Variants in GRIP1 observed in about 807,000 individuals in gnomAD.
The protein encoded by GRIP1 is glutamate receptor-interacting protein 1.
In GRIP1, 45 loss-of-function variants were observed where a neutral mutation model predicts 129.9. The observed-to-expected ratio is 0.35, with a 90% CI of 0.27 to 0.44. The LOEUF (loss-of-function observed/expected upper bound fraction) is 0.44. GRIP1 is among the 20% of genes least tolerant of loss of function. GRIP1 has a pLI of 1.00. For missense variants in GRIP1, 1,196 were observed against 1,396.8 expected, an observed-to-expected ratio of 0.86 and a Z score of 2.29; for synonymous variants, 530 against 520.8, an observed-to-expected ratio of 1.02 and a Z score of -0.24.
chr12:66,894,055 CCTT>C (rs2040705224), intron 1 of GRIP1, among the ~76,000 whole-genome samples: 1 of 152,184 alleles, frequency 6.6e-6, no homozygotes, highest in South Asian at 2.1e-4. Flanking sequence ...ACTTGCTGCT[CCTT>C]CTGCCTGGAA....
chr12:66,825,249 T>G (rs577476809), intron 1 of GRIP1, among the ~76,000 whole-genome samples: 45 of 152,306 alleles, frequency 3.0e-4, no homozygotes, highest in African/African-American at 1.0e-3. Flanking sequence ...TAAGCAAATT[T>G]TTTCATGCCA....
At chr12:67,059,924 C>T (rs924134135) in intron 1 of GRIP1, among the ~76,000 whole-genome samples, 12 of 152,200 alleles carry the variant, frequency 7.9e-5, no homozygotes, top group African/African-American at 2.9e-4. Flanking sequence ...CACATTGCCA[C>T]ATCCAAGTCT....
intron 1 of GRIP1, among the ~76,000 whole-genome samples, chr12:66,828,507 T>C (rs911700004): frequency 2.6e-5 from 4 of 152,190 alleles, no homozygotes; most frequent in African/African-American, 9.6e-5. Flanking sequence ...TTTATAACTG[T>C]TATCTCATTT....
At chr12:66,470,143 G>A (rs2904515) in intron 7 of GRIP1, among the ~76,000 whole-genome samples, 52,272 of 151,976 alleles carry the variant, frequency 0.34, 9,453 homozygotes, top group Non-Finnish European at 0.4. Flanking sequence ...CCAATCCAGA[G>A]TGATCCTTTA....
intron 9 of GRIP1, 74 bp downstream of exon 9, chr12:66,462,850 G>A: frequency 9.7e-7 from 1 of 1,025,996 alleles, no homozygotes; most frequent in Non-Finnish European, 1.5e-6. Context: ...GTGTCTTTCT[G>A]CTGTCTAACT....
rs371598979 is a variant in GRIP1, at chr12:66,784,730, AAG to A, written c.-420+19321_-420+19322del. 8.5e-5 allele frequency among the ~76,000 whole-genome samples: 13 copies of A among 152,328 alleles called. 1 individual carries two copies. Among genetic ancestry groups the A allele is most frequent in the African/African-American group, 3.1e-4 (13 of 41,586 alleles). On this transcript the variant is annotated intron_variant, in intron 1 of 4. Transcript: ENST00000538373. ...ACTCCCTGGTCTTAGCTTTGTTTTT[AAG>A]AGTCACACAAAGCATACTCATGGGT... is the stretch of plus-strand genomic sequence containing the variant.
rs563723781 is a variant in GRIP1, at chr12:66,456,261, T to C, written c.1124A>G (p.Tyr375Cys). The C allele has an allele frequency of 1.7e-5, 22 of 1,289,462 alleles. No individual in the cohort carries two copies. The East Asian group carries it at 9.4e-4, about 55-fold the overall frequency. 79.9% of individuals were successfully genotyped at this position (1,289,462 alleles called of 1,614,324 possible). Residue 375 changes from tyrosine to cysteine, a missense_variant, in exon 10 of 25, where the codon TAT (tyrosine) becomes TGT (cysteine). Physicochemically the swap from Tyr to Cys is radical, Grantham distance 194. Transcript: ENST00000359742. Reference sequence around the variant, plus strand: ...GCAATGGTCAGGGTGGTACGTGTTATAGTGATGGTTGGTGTGAAGGCTGCT... The same window carrying C: ...GCAATGGTCAGGGTGGTACGTGTTACAGTGATGGTTGGTGTGAAGGCTGCT... ...NHSSLHTNHH[Y>C]NTYHPDHCRV...
At chr12:66,619,411 T>C (rs767943239) in intron 1 of GRIP1, among the ~76,000 whole-genome samples, 2 of 152,058 alleles carry the variant, frequency 1.3e-5, no homozygotes, top group Admixed American at 6.6e-5. Context: ...AAGAGAGCCA[T>C]TACGGGTAGA....
At chr12:66,657,145 A>C (rs1362296849) in intron 1 of GRIP1, among the ~76,000 whole-genome samples, 1 of 152,206 alleles carries the variant, frequency 6.6e-6, no homozygotes, top group Non-Finnish European at 1.5e-5. Context: ...GATTTGCCTC[A>C]CCAAATTTTC....
intron 9 of GRIP1, among the ~76,000 whole-genome samples, chr12:66,457,407 A>G (rs1309384516): frequency 2.6e-5 from 4 of 152,148 alleles, no homozygotes; most frequent in Non-Finnish European, 5.9e-5. Context: ...AGCTGGCACT[A>G]CAGGCCCACG....
At chr12:66,439,791 C>T (rs2058419619) in intron 13 of GRIP1, among the ~76,000 whole-genome samples, 1 of 152,144 alleles carries the variant, frequency 6.6e-6, no homozygotes, top group Non-Finnish European at 1.5e-5. Flanking sequence ...GCATTTTGAA[C>T]CTCCCTGACT....
At chr12:66,785,323 C>CAT (rs2038291950) in intron 1 of GRIP1, among the ~76,000 whole-genome samples, 2 of 55,980 alleles carry the variant, frequency 3.6e-5, no homozygotes, top group African/African-American at 1.3e-4. Flanking sequence ...TACATACATA[C>CAT]ATACATACAT....
intron 1 of GRIP1, among the ~76,000 whole-genome samples, chr12:67,010,902 A>ACTC (rs1373375764): frequency 1.3e-5 from 2 of 151,028 alleles, no homozygotes; most frequent in African/African-American, 4.9e-5. Flanking sequence ...GGAGGCTTCC[A>ACTC]CTCCTCCTCC....
chr12:66,467,668 T>C (rs906429883), intron 7 of GRIP1, among the ~76,000 whole-genome samples: 1 of 152,220 alleles, frequency 6.6e-6, no homozygotes, highest in African/African-American at 2.4e-5. Context: ...GCACACAATA[T>C]GATGCCTCTG....
chr12:66,907,398 A>G (rs2040951601), intron 1 of GRIP1, among the ~76,000 whole-genome samples: 1 of 152,182 alleles, frequency 6.6e-6, no homozygotes, highest in Non-Finnish European at 1.5e-5. Flanking sequence ...CTCTGCTCAT[A>G]TGTATTTTAT....
chr12:66,818,802 C>T (rs1363545328), intron 1 of GRIP1, among the ~76,000 whole-genome samples: 2 of 152,118 alleles, frequency 1.3e-5, no homozygotes, highest in African/African-American at 4.8e-5. Context: ...GTGTTACCCA[C>T]TATTGTGTAA....
At chr12:66,577,142 A>G (rs533690416) in intron 2 of GRIP1, among the ~76,000 whole-genome samples, 3 of 152,334 alleles carry the variant, frequency 2.0e-5, no homozygotes, top group South Asian at 2.1e-4. Flanking sequence ...AACATATTTT[A>G]TCTGGTTTAA....
At chr12:66,990,558 C>T (rs189106394) in intron 1 of GRIP1, among the ~76,000 whole-genome samples, 1 of 152,312 alleles carries the variant, frequency 6.6e-6, no homozygotes, top group East Asian at 1.9e-4. Context: ...GCTTTCTAGC[C>T]GTGAGGCTCA....
chr12:66,873,770 T>C (rs546981769), intron 1 of GRIP1, among the ~76,000 whole-genome samples: 1 of 152,208 alleles, frequency 6.6e-6, no homozygotes, highest in East Asian at 1.9e-4. Context: ...CTGTCATAAA[T>C]ATAAAATCCT....
Sources: gnomAD v4.1 joint callset for allele counts (sites outside exome capture counted in the v4.1 genomes callset) on GRCh38, gnomAD v4.1.1 for gene constraint, MANE v1.5 for transcripts, NCBI Gene and HGNC (gene_info 2026-07-23, HGNC 2026-07-21) for gene names.